Variants in KCNG2 observed in about 807,000 individuals in gnomAD.
KCNG2 encodes potassium voltage-gated channel modifier subfamily G member 2.
In KCNG2, 7 loss-of-function variants were observed where a neutral mutation model predicts 12.3. That is an observed-to-expected ratio of 0.57 (90% CI 0.32 to 1.07). KCNG2 has a LOEUF of 1.07. Ranked by LOEUF, KCNG2 falls within the 50% of genes least tolerant of loss-of-function variation. The pLI, the probability that KCNG2 is intolerant of heterozygous loss-of-function variation, is 0.04. For missense variants in KCNG2, 703 were observed against 726.0 expected, an observed-to-expected ratio of 0.97 and a Z score of 0.36; for synonymous variants, 414 against 351.4, an observed-to-expected ratio of 1.18 and a Z score of -1.99.
intron 3 of KCNG2, among the ~76,000 whole-genome samples, chr18:79,870,996 T>A (rs1979806507): frequency 6.6e-6 from 1 of 152,084 alleles, no homozygotes; most frequent in Admixed American, 6.5e-5. Context: ...TCAGCACACC[T>A]GAGACCAGCA....
At chr18:79,893,403 A>G (rs992919829) in intron 3 of KCNG2, among the ~76,000 whole-genome samples, 3 of 117,660 alleles carry the variant, frequency 2.5e-5, no homozygotes, top group Non-Finnish European at 5.6e-5. Context: ...TTCATTGTTA[A>G]CAATTCATAT....
chr18:79,800,763 G>A lies in KCNG2; in HGVS notation c.-115+2749G>A, dbSNP rs777057205. Among the ~76,000 whole-genome samples, 3 of 152,180 alleles carry A rather than the reference G, an allele frequency of 2.0e-5. No homozygotes were observed. Among genetic ancestry groups the A allele is most frequent in the African/African-American group, 4.8e-5 (2 of 41,452 alleles). On this transcript the variant is annotated intron_variant, in intron 1 of 3. Coordinates refer to ENST00000316249, the MANE Select transcript of KCNG2 (RefSeq NM_012283.2). This position sits in a 1 kb window ranked among gnomAD's most constrained non-coding sequence, Gnocchi z 4.0. ...GGCCTGGCGTGTCCTGCGGGCACCCGCAGGCTCTGCTCACCCACCGGCTGG... is the reference window on the plus strand; with the variant it reads ...GGCCTGGCGTGTCCTGCGGGCACCCACAGGCTCTGCTCACCCACCGGCTGG...
chr18:79,864,008 G>T lies in KCNG2; in HGVS notation c.341G>T (p.Arg114Leu). 2 of 1,181,432 alleles carry T rather than the reference G, an allele frequency of 1.7e-6. No individual in the cohort carries two copies. The highest frequency in any genetic ancestry group is 4.5e-5 in the Admixed American group (1 of 22,238). 73.2% of individuals were successfully genotyped at this position (1,181,432 alleles called of 1,614,324 possible). ...GCCTACTGGGGCATCGACGAGGCGC[G>T]CCTGGAGCGCTGCTGCCTGCGCCGC... Reference protein sequence around the residue: ...ELAYWGIDEARLERCCLRRLR... With the variant: ...ELAYWGIDEALLERCCLRRLR... The change falls in exon 3 of 4, where the codon CGC becomes CTC. Residue 114 changes from arginine (R) to leucine (L), a missense_variant. Coordinates refer to ENST00000316249, the MANE Select transcript of KCNG2 (RefSeq NM_012283.2).
Position 79,899,379 on chromosome 18 carries a change from T to G in KCNG2, c.964T>G (p.Phe322Val). 1 of 1,563,912 alleles carries G rather than the reference T, an allele frequency of 6.4e-7. No homozygotes were observed. Among genetic ancestry groups the G allele is most frequent in the Non-Finnish European group, 8.6e-7 (1 of 1,160,854 alleles). Residue 322 changes from phenylalanine (F) to valine (V), a missense_variant, in exon 4 of 4, where the codon TTC (phenylalanine) becomes GTC (valine). Physicochemically the swap from Phe to Val is conservative, Grantham distance 50 (BLOSUM62 -1). Coordinates refer to ENST00000316249, the MANE Select transcript of KCNG2 (RefSeq NM_012283.2). ...GLTMRRCARE[F>V]GLLLLFLCVA... The stretch of plus-strand genomic sequence containing the variant: ...GACCATGCGCCGCTGCGCGCGCGAG[T>G]TCGGGCTGCTGCTGCTGTTCCTCTG...
chr18:79,836,589 A>G (rs1287362323), intron 1 of KCNG2, among the ~76,000 whole-genome samples: 4 of 152,220 alleles, frequency 2.6e-5, no homozygotes, highest in African/African-American at 9.7e-5. Flanking sequence ...TTTATGAAGA[A>G]AAAAGGTTGA....
In KCNG2 at chr18:79,884,277, C is replaced by T. The variant is rs1980434378; in HGVS notation, c.625-14763C>T. 6.6e-6 allele frequency among the ~76,000 whole-genome samples: 1 copy of T among 151,982 alleles called. No individual in the cohort carries two copies. Among genetic ancestry groups the T allele is most frequent in the Non-Finnish European group, 1.5e-5 (1 of 67,982 alleles). On this transcript the variant is annotated intron_variant, in intron 3 of 3. Transcript: ENST00000316249. The surrounding 1 kb of genome is among the most constrained non-coding windows in gnomAD (Gnocchi z 5.5). ...CCCGCCCCTCCCTGTGGGCCCCACA[C>T]CTGCACCCCCAAGAGAATTCGCCCC...
At chr18:79,833,089 A>G (rs960998633) in intron 1 of KCNG2, among the ~76,000 whole-genome samples, 2 of 152,166 alleles carry the variant, frequency 1.3e-5, no homozygotes, top group African/African-American at 4.8e-5. Context: ...CTCAAGCTCT[A>G]TAATTAAGAA....
intron 3 of KCNG2, among the ~76,000 whole-genome samples, chr18:79,881,047 A>G (rs1390860499): frequency 2.0e-5 from 3 of 152,200 alleles, no homozygotes; most frequent in Non-Finnish European, 2.9e-5. Flanking sequence ...ATTGGGACCA[A>G]CCCAAGGATG....
chr18:79,883,342 T>C (rs1980394315), intron 3 of KCNG2, among the ~76,000 whole-genome samples: 1 of 152,206 alleles, frequency 6.6e-6, no homozygotes, highest in Non-Finnish European at 1.5e-5. Flanking sequence ...TAGTGGTGGT[T>C]CCAGGACCGT....
At chr18:79,830,378 G>T (rs1440558604) in intron 1 of KCNG2, among the ~76,000 whole-genome samples, 2 of 152,242 alleles carry the variant, frequency 1.3e-5, no homozygotes, top group Non-Finnish European at 2.9e-5. Context: ...AAACATGTCT[G>T]CAAGGGAGGC....
At chr18:79,895,762 A>G (rs201896995) in intron 3 of KCNG2, among the ~76,000 whole-genome samples, 1 of 110,116 alleles carries the variant, frequency 9.1e-6, no homozygotes, top group South Asian at 3.4e-4. Flanking sequence ...ATATAGTTGG[A>G]TCTGTGTCTG....
At chr18:79,838,571 C>T (rs1278772924) in intron 1 of KCNG2, among the ~76,000 whole-genome samples, 2 of 152,028 alleles carry the variant, frequency 1.3e-5, no homozygotes, top group African/African-American at 4.8e-5. Context: ...CCACCATGCC[C>T]AGCTAATTTT....
intron 2 of KCNG2, among the ~76,000 whole-genome samples, chr18:79,862,130 C>A (rs1302924484): frequency 6.6e-6 from 1 of 152,172 alleles, no homozygotes; most frequent in African/African-American, 2.4e-5. Flanking sequence ...CAGTGATATT[C>A]TGTTTTAGTT....
In KCNG2 at chr18:79,899,230, C is replaced by G; in HGVS notation, c.815C>G (p.Ala272Gly). 1 of 1,599,160 alleles carries G rather than the reference C, an allele frequency of 6.3e-7. No homozygotes were observed. The highest frequency in any genetic ancestry group is 8.5e-7 in the Non-Finnish European group (1 of 1,178,504). Reference sequence around the variant, plus strand: ...GTGTCGCTGCTGCTGGGGCTGGCGGCAGGCCCGGGCGGGACCAAGCTCCTG... The same window carrying G: ...GTGTCGCTGCTGCTGGGGCTGGCGGGAGGCCCGGGCGGGACCAAGCTCCTG... Reference protein sequence around the residue: ...FYVSLLLGLAAGPGGTKLLER... With the variant: ...FYVSLLLGLAGGPGGTKLLER... The change falls in exon 4 of 4, where the codon GCA (alanine) becomes GGA (glycine). Residue 272 changes from alanine (A) to glycine (G), a missense_variant. Transcript: ENST00000316249.
chr18:79,880,797 C>A (rs1238390163), intron 3 of KCNG2, among the ~76,000 whole-genome samples: 1 of 152,194 alleles, frequency 6.6e-6, no homozygotes. Flanking sequence ...GTTCGATACT[C>A]AAAACCAACC....
chr18:79,827,052 G>T (rs1436497420), intron 1 of KCNG2, among the ~76,000 whole-genome samples: 1 of 152,242 alleles, frequency 6.6e-6, no homozygotes, highest in East Asian at 1.9e-4. Context: ...AGGACGTGGC[G>T]TCCCCGGCGA....
intron 1 of KCNG2, among the ~76,000 whole-genome samples, chr18:79,805,863 G>GCACACA (rs36068585): frequency 6.6e-6 from 1 of 150,944 alleles, no homozygotes; most frequent in South Asian, 2.1e-4. Flanking sequence ...AGGTCCACAT[G>GCACACA]CACACACACA....
chr18:79,821,930 A>G (rs2087573766), intron 1 of KCNG2, among the ~76,000 whole-genome samples: 3 of 152,084 alleles, frequency 2.0e-5, no homozygotes, highest in Admixed American at 2.0e-4. Context: ...CTCCATATGA[A>G]TTTTAGGACG....
At chr18:79,851,793 T>C (rs1232529546) in intron 1 of KCNG2, among the ~76,000 whole-genome samples, 1 of 151,772 alleles carries the variant, frequency 6.6e-6, no homozygotes, top group Non-Finnish European at 1.5e-5. Flanking sequence ...GAATGTGCAT[T>C]GTGTGAATGT....
Sources: allele counts gnomAD v4.1 joint callset (sites outside exome capture counted in the v4.1 genomes callset), GRCh38; gene constraint gnomAD v4.1.1; non-coding constraint Gnocchi (gnomAD v3.1); transcripts MANE v1.5; gene names NCBI Gene and HGNC (gene_info 2026-07-23, HGNC 2026-07-21).